Variants in BCO1 observed in about 807,000 individuals in gnomAD.
BCO1 encodes beta,beta-carotene 15,15'-dioxygenase.
In BCO1, 54 loss-of-function variants were observed where a neutral mutation model predicts 56.3. That is an observed-to-expected ratio of 0.96 (90% CI 0.77 to 1.20). The LOEUF (loss-of-function observed/expected upper bound fraction) is 1.20, where lower values mean the gene tolerates loss of function less well. Among genes scored for constraint, BCO1 ranks in the 50% most tolerant of loss-of-function variants. BCO1 has a pLI of 0.00. For missense variants in BCO1, 801 were observed against 690.9 expected (o/e 1.16, Z -1.79); for synonymous variants, 318 against 266.1 (o/e 1.20, Z -1.90).
intron 2 of BCO1, among the ~76,000 whole-genome samples, chr16:81,259,340 A>T (rs948963505): frequency 6.6e-6 from 1 of 152,020 alleles, no homozygotes; most frequent in Admixed American, 6.6e-5. Context: ...CTAAAAATAC[A>T]AAAATTTGCT....
chr16:81,260,801 G>A (rs934259510), intron 3 of BCO1, among the ~76,000 whole-genome samples: 2 of 152,206 alleles, frequency 1.3e-5, no homozygotes, highest in East Asian at 1.9e-4. Context: ...GAGCCACTGC[G>A]CCTGGCCACT....
Position 81,238,694 on chromosome 16 carries a change from T to C in BCO1, c.-215T>C, listed in dbSNP as rs1436955950. On this transcript the variant is annotated 5_prime_UTR_variant, in exon 1 of 11. The change abolishes an upstream ATG in the 5' untranslated region. Coordinates refer to ENST00000258168, the MANE Select transcript of BCO1 (RefSeq NM_017429.3). Reference sequence around the variant, plus strand: ...ACGCCAGCGCAGCTTCCCTTGTGAATGTAAAGAGATCCAGGGCTCTTGGAG... The same window carrying C: ...ACGCCAGCGCAGCTTCCCTTGTGAACGTAAAGAGATCCAGGGCTCTTGGAG... The C allele has an allele frequency of 1.7e-6, 1 of 598,962 alleles. No individual in the cohort carries two copies. Among genetic ancestry groups the C allele is most frequent in the Non-Finnish European group, 3.0e-6 (1 of 332,962 alleles). The allele number at this position is 598,962 out of a possible 1,614,324, so 37.1% of individuals were successfully genotyped here.
rs77108661 is a variant in BCO1, at chr16:81,267,568, G to C, written c.620-340G>C. 7.1e-3 allele frequency among the ~76,000 whole-genome samples: 1,085 copies of C among 152,294 alleles called. 28 individuals carry two copies. The highest frequency in any genetic ancestry group is 0.029 in the Admixed American group (449 of 15,296). On this transcript the variant is annotated intron_variant, in intron 5 of 10. Coordinates refer to ENST00000258168, the MANE Select transcript of BCO1 (RefSeq NM_017429.3). The stretch of plus-strand genomic sequence containing the variant: ...GCGGAGATTGAAGTGGGCTGAGATC[G>C]TGCCCCTACATTCCAGTCTGGGCAG...
intron 4 of BCO1, chr16:81,263,761 TG>T (rs1177303348): frequency 2.0e-5 from 3 of 152,210 alleles, no homozygotes; most frequent in Admixed American, 2.0e-4. Context: ...AACATTTTGG[TG>T]GGAATCAATA....
intron 4 of BCO1, 57 bp from the exon 5 acceptor site, chr16:81,264,583 T>A: frequency 6.3e-7 from 1 of 1,588,236 alleles, no homozygotes; most frequent in South Asian, 1.1e-5. Flanking sequence ...TGATGTCATA[T>A]CTTGCAGGTT....
At chr16:81,254,330 T>TTTGTA (rs1905994157) in intron 2 of BCO1, among the ~76,000 whole-genome samples, 1 of 148,402 alleles carries the variant, frequency 6.7e-6, no homozygotes, top group Non-Finnish European at 1.5e-5. Context: ...TTTGTATTTT[T>TTTGTA]AGTAGAGACA....
rs140692239 is a variant in BCO1 at position 81,254,493 on chromosome 16, G to A, written c.194-5183G>A. 4.8e-3 allele frequency among the ~76,000 whole-genome samples: 720 copies of A among 150,954 alleles called. 5 individuals carry two copies. The highest frequency in any genetic ancestry group is 0.017 in the African/African-American group (689 of 41,046). The stretch of plus-strand genomic sequence containing the variant: ...GATAAGGGCTTCCTACATTGCCCAG[G>A]CTGATCTCGAACACCTAGCCTCACC... On this transcript the variant is annotated intron_variant, in intron 2 of 10. Coordinates refer to ENST00000258168, the MANE Select transcript of BCO1 (RefSeq NM_017429.3).
chr16:81,245,688 T>G, intron 2 of BCO1, 85 bp downstream of exon 2: 1 of 1,565,278 alleles, frequency 6.4e-7, no homozygotes, highest in South Asian at 1.1e-5. Context: ...TTTATTCTTT[T>G]AGGGATTGGA....
rs567571484 is a variant in BCO1, at chr16:81,258,375, C to T, written c.194-1301C>T. 2.6e-5 allele frequency among the ~76,000 whole-genome samples: 4 copies of T among 152,318 alleles called. No homozygotes were observed. The South Asian group carries it at 6.2e-4, about 24-fold the overall frequency. ...CTCTGCAGAATTTGGATGAATTAGA[C>T]ATTGAACACAGGTCTGACCCTCTAT... On this transcript the variant is annotated intron_variant, in intron 2 of 10. Coordinates refer to ENST00000258168, the MANE Select transcript of BCO1 (RefSeq NM_017429.3).
intron 10 of BCO1, among the ~76,000 whole-genome samples, chr16:81,289,060 T>C (rs868190263): frequency 1.3e-5 from 2 of 152,346 alleles, no homozygotes; most frequent in Middle Eastern, 3.4e-3. Context: ...GTCTTCATTT[T>C]ACCAATGGGA....
At chr16:81,277,771 G>A (rs1161452132) in intron 7 of BCO1, among the ~76,000 whole-genome samples, 1 of 152,194 alleles carries the variant, frequency 6.6e-6, no homozygotes, top group Non-Finnish European at 1.5e-5. Flanking sequence ...GGAAAGTGAT[G>A]TCTTCCTAAA....
At chr16:81,256,816 A>G (rs1013513894) in intron 2 of BCO1, among the ~76,000 whole-genome samples, 1 of 152,052 alleles carries the variant, frequency 6.6e-6, no homozygotes, top group Non-Finnish European at 1.5e-5. Context: ...CGAACCTGAG[A>G]CGTGGAGGTT....
chr16:81,276,933 G>A (rs573832539), intron 7 of BCO1, among the ~76,000 whole-genome samples: 1 of 151,898 alleles, frequency 6.6e-6, no homozygotes, highest in South Asian at 2.1e-4. Flanking sequence ...CAGGCATGGT[G>A]GCTCATGCCT....
At chr16:81,257,259 C>T (rs9924221) in intron 2 of BCO1, among the ~76,000 whole-genome samples, 38,292 of 151,822 alleles carry the variant, frequency 0.25, 5,295 homozygotes, top group Middle Eastern at 0.39. Context: ...GTTGTTGTTG[C>T]GTTTTTTTGT....
At chr16:81,290,223 A>T in intron 10 of BCO1, 125 bp from the exon 11 acceptor site, 53 of 778,434 alleles carry the variant, frequency 6.8e-5, no homozygotes, top group Non-Finnish European at 1.0e-4. Flanking sequence ...AGTGTCTCAA[A>T]TTCACTCCCT....
At chr16:81,248,026 A>G (rs1020287320) in intron 2 of BCO1, among the ~76,000 whole-genome samples, 8 of 152,112 alleles carry the variant, frequency 5.3e-5, no homozygotes, top group African/African-American at 1.4e-4. Flanking sequence ...TGGAGCTGCT[A>G]TTAGATCTAA....
rs1291751723 is a variant in BCO1 at position 81,268,020 on chromosome 16, CTA to C, written c.734_735del (p.Tyr245CysfsTer5). The C allele has an allele frequency of 6.2e-7, 1 of 1,613,866 alleles. No individual in the cohort carries two copies. The highest frequency in any genetic ancestry group is 8.5e-7 in the Non-Finnish European group (1 of 1,180,016). On this transcript the variant is annotated frameshift_variant, in exon 6 of 11. Coordinates refer to ENST00000258168, the MANE Select transcript of BCO1 (RefSeq NM_017429.3). LOFTEE classifies it high-confidence loss of function. ...YYHSFGVTENYVIFLEQPFRL... is the reference protein window; with the variant it reads ...YYHSFGVTENXVIFLEQPFRL... ...ACCACAGCTTTGGAGTCACCGAGAA[CTA>C]TGTCATCTTCCTTGAGCAGCCTTTC...
chr16:81,239,888 C>T (rs181900188), intron 1 of BCO1, among the ~76,000 whole-genome samples: 87 of 152,146 alleles, frequency 5.7e-4, no homozygotes, highest in African/African-American at 2.1e-3. Context: ...CTCCCGGGTC[C>T]CCAGAGTGGT....
chr16:81,255,012 G>A (rs771245010), intron 2 of BCO1, among the ~76,000 whole-genome samples: 7 of 152,048 alleles, frequency 4.6e-5, no homozygotes, highest in Non-Finnish European at 8.8e-5. Context: ...TGAACTCCTG[G>A]GCTCAAGCGA....
Sources: allele counts gnomAD v4.1 joint callset (sites outside exome capture counted in the v4.1 genomes callset), GRCh38; gene constraint gnomAD v4.1.1; transcripts MANE v1.5; gene names NCBI Gene and HGNC (gene_info 2026-07-23, HGNC 2026-07-21).